Variants in STAU2 observed in about 807,000 individuals in gnomAD.
The protein encoded by STAU2 is staufen double-stranded RNA binding protein 2.
STAU2 carries 20 observed loss-of-function variants against 65.9 expected under a neutral mutation model. The observed-to-expected ratio is 0.30, with a 90% confidence interval of 0.21 to 0.44. The LOEUF (loss-of-function observed/expected upper bound fraction) is 0.44, where lower values mean the gene tolerates loss of function less well. Among genes scored for constraint, STAU2 ranks in the 20% least tolerant of loss-of-function variants. The pLI is 1.00. For missense variants in STAU2, 558 were observed against 683.9 expected (o/e 0.82, Z 2.05); for synonymous variants, 232 against 233.9 (o/e 0.99, Z 0.07).
intron 4 of STAU2, among the ~76,000 whole-genome samples, chr8:73,691,546 C>T (rs10086435): frequency 0.33 from 49,241 of 151,454 alleles, 9,389 homozygotes; most frequent in African/African-American, 0.52. Flanking sequence ...CAACTACTGA[C>T]TCAACTTAAA....
intron 3 of STAU2, among the ~76,000 whole-genome samples, chr8:73,726,654 T>C (rs1261281337): frequency 6.6e-6 from 1 of 152,174 alleles, no homozygotes; most frequent in Admixed American, 6.5e-5. Context: ...CCATCCAATA[T>C]ATATTTTATT....
intron 13 of STAU2, among the ~76,000 whole-genome samples, chr8:73,443,087 C>T (rs779569208): frequency 9.9e-5 from 15 of 152,222 alleles, no homozygotes; most frequent in Non-Finnish European, 1.5e-4. Flanking sequence ...TTTAGAAATG[C>T]CTGACATTCA....
intron 13 of STAU2, among the ~76,000 whole-genome samples, chr8:73,499,648 A>T (rs939879136): frequency 1.3e-5 from 2 of 151,840 alleles, no homozygotes; most frequent in African/African-American, 4.8e-5. Flanking sequence ...ACCAGTGAAT[A>T]AGAGGTGAGA....
chr8:73,439,909 C>T (rs893346619), intron 13 of STAU2: 7 of 152,308 alleles, frequency 4.6e-5, no homozygotes, highest in African/African-American at 1.7e-4. Flanking sequence ...TTCTGAACTA[C>T]CTATATCATC....
At chr8:73,680,433 T>G (rs570792561) in intron 5 of STAU2, among the ~76,000 whole-genome samples, 1 of 152,170 alleles carries the variant, frequency 6.6e-6, no homozygotes, top group South Asian at 2.1e-4. Context: ...GAGAACCACA[T>G]CAAGGGATCA....
chr8:73,486,904 C>T (rs932982550), intron 13 of STAU2, among the ~76,000 whole-genome samples: 1 of 152,004 alleles, frequency 6.6e-6, no homozygotes, highest in African/African-American at 2.4e-5. Flanking sequence ...CCACCTACCT[C>T]AGCCTCTCAA....
At chr8:73,551,789 G>GA in intron 13 of STAU2, 1 of 1,204,372 alleles carries the variant, frequency 8.3e-7, no homozygotes, top group Non-Finnish European at 1.0e-6. Context: ...GGAAAATGGA[G>GA]AAGAGACAGG....
chr8:73,514,154 A>C (rs1381179254), intron 13 of STAU2, among the ~76,000 whole-genome samples: 1 of 152,086 alleles, frequency 6.6e-6, no homozygotes, highest in Non-Finnish European at 1.5e-5. Context: ...TCACTCTTTC[A>C]TACTCAGCTG....
intron 12 of STAU2, among the ~76,000 whole-genome samples, 184 bp downstream of exon 12, chr8:73,582,586 C>T (rs1041490546): frequency 5.3e-5 from 8 of 152,036 alleles, no homozygotes; most frequent in Admixed American, 2.0e-4. Flanking sequence ...TTAAGTGTAT[C>T]TGTGTCTTAG....
At chr8:73,550,737 T>G (rs548629966) in intron 13 of STAU2, 2 of 987,528 alleles carry the variant, frequency 2.0e-6, no homozygotes, top group South Asian at 9.4e-5. Flanking sequence ...GGTTAAAATT[T>G]CAGATGACAG....
intron 13 of STAU2, among the ~76,000 whole-genome samples, chr8:73,452,349 C>T (rs527720376): frequency 2.5e-4 from 38 of 152,304 alleles, no homozygotes; most frequent in African/African-American, 9.1e-4. Context: ...TGGTCAGGGC[C>T]ACTCTTGCAA....
intron 13 of STAU2, among the ~76,000 whole-genome samples, chr8:73,428,351 C>A (rs1465291100): frequency 6.6e-6 from 1 of 151,322 alleles, no homozygotes; most frequent in African/African-American, 2.5e-5. Context: ...ACCACATTTT[C>A]TTTTTCCATT....
chr8:73,518,043 TA>T (rs965855231), intron 13 of STAU2, among the ~76,000 whole-genome samples: 1 of 151,560 alleles, frequency 6.6e-6, no homozygotes, highest in South Asian at 2.1e-4. Flanking sequence ...CTTTATTACT[TA>T]AAAAAAAAGT....
intron 3 of STAU2, among the ~76,000 whole-genome samples, chr8:73,715,511 C>A (rs1821194361): frequency 6.6e-6 from 1 of 150,574 alleles, no homozygotes; most frequent in Non-Finnish European, 1.5e-5. Flanking sequence ...ATATAATTTT[C>A]CCCTATTAGA....
intron 13 of STAU2, among the ~76,000 whole-genome samples, chr8:73,533,552 T>C (rs1805973972): frequency 6.6e-6 from 1 of 152,180 alleles, no homozygotes; most frequent in African/African-American, 2.4e-5. Flanking sequence ...TCCTTTTTTC[T>C]GAAGGGAAAA....
chr8:73,606,437 A>G (rs1321986082), intron 9 of STAU2, among the ~76,000 whole-genome samples: 1 of 152,168 alleles, frequency 6.6e-6, no homozygotes, highest in Non-Finnish European at 1.5e-5. Context: ...GCTGGCAAAA[A>G]ATTTAAATAA....
At chr8:73,483,836 G>A (rs1476701009) in intron 13 of STAU2, among the ~76,000 whole-genome samples, 1 of 152,250 alleles carries the variant, frequency 6.6e-6, no homozygotes, top group African/African-American at 2.4e-5. Flanking sequence ...TGTGGGACTT[G>A]CTGAGGCCAT....
At chr8:73,551,777 A>G in intron 13 of STAU2, 3 of 1,184,606 alleles carry the variant, frequency 2.5e-6, no homozygotes, top group Non-Finnish European at 3.1e-6. Flanking sequence ...AAAAAAGAAG[A>G]AGGAAAATGG....
At chr8:73,702,938 G>A (rs1002522826) in intron 4 of STAU2, among the ~76,000 whole-genome samples, 3 of 152,164 alleles carry the variant, frequency 2.0e-5, no homozygotes, top group Admixed American at 6.5e-5. Flanking sequence ...ATACACCGCT[G>A]AGGGGAATGT....
Sources: allele counts gnomAD v4.1 joint callset (sites outside exome capture counted in the v4.1 genomes callset), GRCh38; gene constraint gnomAD v4.1.1; transcripts MANE v1.5; gene names NCBI Gene and HGNC (gene_info 2026-07-23, HGNC 2026-07-21).